Variants in FHIT observed in about 807,000 individuals in gnomAD.
FHIT encodes the protein bis(5'-adenosyl)-triphosphatase.
In FHIT, 19 loss-of-function variants were observed where a neutral mutation model predicts 17.9. The observed-to-expected ratio is 1.06, with a 90% CI of 0.74 to 1.56. FHIT has a LOEUF of 1.56. Among genes scored for constraint, FHIT ranks in the 40% most tolerant of loss-of-function variants. The probability of loss-of-function intolerance (pLI) is 0.00; values close to 1 mark genes in which losing one functional copy is unlikely to be tolerated. For synonymous variants in FHIT, 81 were observed against 69.7 expected, an observed-to-expected ratio of 1.16 and a Z score of -0.81; for missense variants, 248 against 189.2, an observed-to-expected ratio of 1.31 and a Z score of -1.82.
At chr3:61,145,291 A>G (rs1161786110) in intron 2 of FHIT, among the ~76,000 whole-genome samples, 1 of 152,136 alleles carries the variant, frequency 6.6e-6, no homozygotes, top group African/African-American at 2.4e-5. Context: ...TATTGAAAAG[A>G]CTAATATTTC....
At chr3:60,973,842 T>C (rs780213331) in intron 3 of FHIT, among the ~76,000 whole-genome samples, 3 of 152,152 alleles carry the variant, frequency 2.0e-5, no homozygotes, top group Non-Finnish European at 4.4e-5. Flanking sequence ...TCACAGACAA[T>C]ACTCAGCACA....
intron 5 of FHIT, among the ~76,000 whole-genome samples, chr3:60,423,788 C>T (rs758260849): frequency 6.6e-6 from 1 of 152,152 alleles, no homozygotes; most frequent in Non-Finnish European, 1.5e-5. Context: ...TGTGGCTTTT[C>T]AGGGCAGGAT....
Position 60,341,442 on chromosome 3 carries a change from C to T in FHIT, c.103+195418G>A, listed in dbSNP as rs113511733. Among the ~76,000 whole-genome samples, 472 of 152,254 alleles carry T rather than the reference C, an allele frequency of 3.1e-3. 1 individual carries two copies. Among genetic ancestry groups the T allele is most frequent in the African/African-American group, 0.011 (448 of 41,536 alleles). ...ACAGAAGCCTGGAGAACCAGGCCCA[C>T]GTGGAGACAAAGGCAGGATTGAATG... is the stretch of plus-strand genomic sequence containing the variant. On this transcript the variant is annotated intron_variant, in intron 5 of 9. Transcript: ENST00000492590.
At chr3:59,872,080 C>T (rs1490592623) in intron 8 of FHIT, among the ~76,000 whole-genome samples, 6 of 152,166 alleles carry the variant, frequency 3.9e-5, no homozygotes, top group Non-Finnish European at 8.8e-5. Flanking sequence ...TGGGAGTAGT[C>T]ACTGAAGCCA....
chr3:59,930,475 G>A (rs528337355), intron 7 of FHIT, among the ~76,000 whole-genome samples: 4 of 152,120 alleles, frequency 2.6e-5, no homozygotes, highest in Non-Finnish European at 4.4e-5. Flanking sequence ...TTCTTAAACT[G>A]CAAATCCCAA....
chr3:60,943,145 C>G (rs1708491270), intron 3 of FHIT, among the ~76,000 whole-genome samples: 1 of 151,976 alleles, frequency 6.6e-6, no homozygotes, highest in Non-Finnish European at 1.5e-5. Flanking sequence ...TTTAAATATT[C>G]TTTATCTTTT....
intron 2 of FHIT, among the ~76,000 whole-genome samples, chr3:61,101,038 T>G (rs890673685): frequency 7.9e-5 from 12 of 152,224 alleles, no homozygotes; most frequent in Non-Finnish European, 1.8e-4. Flanking sequence ...TAGTTTCTTT[T>G]GCTGTGCAGA....
At chr3:60,543,027 G>A (rs756591396) in intron 4 of FHIT, among the ~76,000 whole-genome samples, 28 of 152,120 alleles carry the variant, frequency 1.8e-4, no homozygotes, top group Admixed American at 3.3e-4. Context: ...TATATACACA[G>A]GAATAAGTCT....
chr3:60,258,563 G>C (rs944934710), intron 5 of FHIT, among the ~76,000 whole-genome samples: 1 of 135,984 alleles, frequency 7.4e-6, no homozygotes. Context: ...ATATTAAATT[G>C]TGATAGTAGT....
intron 4 of FHIT, among the ~76,000 whole-genome samples, chr3:60,632,404 C>T (rs1349496553): frequency 3.3e-5 from 5 of 152,112 alleles, no homozygotes; most frequent in African/African-American, 1.2e-4. Flanking sequence ...TGACATGGCC[C>T]GTTACCAAGG....
At chr3:60,658,583 TTTAAA>T (rs1476609513) in intron 4 of FHIT, among the ~76,000 whole-genome samples, 2 of 152,296 alleles carry the variant, frequency 1.3e-5, no homozygotes, top group African/African-American at 4.8e-5. Context: ...TCCCCACTTC[TTTAAA>T]TTATTGATGA....
chr3:60,293,879 G>T (rs1708093177), intron 5 of FHIT, among the ~76,000 whole-genome samples: 1 of 152,064 alleles, frequency 6.6e-6, no homozygotes, highest in African/African-American at 2.4e-5. Flanking sequence ...CATCATTATG[G>T]GAGGTAAACC....
At chr3:60,238,702 G>T (rs535360722) in intron 5 of FHIT, among the ~76,000 whole-genome samples, 1 of 152,164 alleles carries the variant, frequency 6.6e-6, no homozygotes, top group South Asian at 2.1e-4. Context: ...AGATGACAAG[G>T]CTCAGGGAAA....
chr3:59,980,073 G>C (rs564040631), intron 7 of FHIT, among the ~76,000 whole-genome samples: 19 of 152,216 alleles, frequency 1.2e-4, no homozygotes, highest in Non-Finnish European at 2.4e-4. Flanking sequence ...CCAGTGAAAA[G>C]ATATTCTAAA....
chr3:60,574,017 C>T (rs2037479476), intron 4 of FHIT, among the ~76,000 whole-genome samples: 1 of 151,948 alleles, frequency 6.6e-6, no homozygotes, highest in African/African-American at 2.4e-5. Context: ...ACCATGTTGG[C>T]CAGGCTGGTC....
At chr3:60,396,136 CT>C (rs1225234911) in intron 5 of FHIT, among the ~76,000 whole-genome samples, 1 of 152,138 alleles carries the variant, frequency 6.6e-6, no homozygotes, top group Non-Finnish European at 1.5e-5. Context: ...TTCAGTCTAC[CT>C]CTGGTGCCTA....
intron 5 of FHIT, among the ~76,000 whole-genome samples, chr3:60,520,976 A>T (rs1481591978): frequency 6.6e-6 from 1 of 152,110 alleles, no homozygotes; most frequent in African/African-American, 2.4e-5. Flanking sequence ...AAAAAAAAGG[A>T]AAAAGGCTCA....
chr3:60,494,821 G>A (rs999515378), intron 5 of FHIT, among the ~76,000 whole-genome samples: 3 of 152,006 alleles, frequency 2.0e-5, no homozygotes, highest in Admixed American at 2.0e-4. Context: ...TCTTTTTTGT[G>A]GATAAATAGT....
chr3:60,439,889 C>T (rs1425758496), intron 5 of FHIT, among the ~76,000 whole-genome samples: 1 of 152,054 alleles, frequency 6.6e-6, no homozygotes, highest in East Asian at 1.9e-4. Context: ...AAGAGATGCA[C>T]ATGCCAGTCT....
Sources: allele counts gnomAD v4.1 joint callset (sites outside exome capture counted in the v4.1 genomes callset), GRCh38; gene constraint gnomAD v4.1.1; transcripts MANE v1.5; gene names NCBI Gene and HGNC (gene_info 2026-07-23, HGNC 2026-07-21).